SPAG16: variants seen among roughly 807,000 people sequenced by gnomAD.
SPAG16 encodes the protein sperm-associated antigen 16 protein.
A neutral mutation model predicts 80.4 loss-of-function variants in SPAG16; 86 were observed. The observed-to-expected ratio is 1.07, with a 90% CI of 0.90 to 1.28. SPAG16 has a LOEUF of 1.28. Among genes scored for constraint, SPAG16 ranks in the 50% most tolerant of loss-of-function variants. The pLI, the probability that SPAG16 is intolerant of heterozygous loss-of-function variation, is 0.00. For missense variants in SPAG16, 870 were observed against 765.3 expected (o/e 1.14, Z -1.61); for synonymous variants, 294 against 265.9 (o/e 1.11, Z -1.03).
chr2:214,281,056 G>T (rs1692892921), intron 15 of SPAG16: 1 of 387,850 alleles, frequency 2.6e-6, no homozygotes, highest in Non-Finnish European at 5.0e-6. Flanking sequence ...TTTATTGCCA[G>T]TAGTAGTTCT....
chr2:213,702,811 CAAG>C (rs2125331850), intron 10 of SPAG16, among the ~76,000 whole-genome samples: 1 of 152,108 alleles, frequency 6.6e-6, no homozygotes, highest in African/African-American at 2.4e-5. Flanking sequence ...TGATATATAT[CAAG>C]AAGATTTAAG....
chr2:213,809,759 A>G (rs957869153), intron 10 of SPAG16, among the ~76,000 whole-genome samples: 3 of 152,216 alleles, frequency 2.0e-5, no homozygotes, highest in Non-Finnish European at 4.4e-5. Flanking sequence ...AGGGGGAGAC[A>G]TGGTTTATCA....
At chr2:214,138,912 G>C (rs1576324653) in intron 14 of SPAG16, among the ~76,000 whole-genome samples, 1 of 152,078 alleles carries the variant, frequency 6.6e-6, no homozygotes, top group South Asian at 2.1e-4. Flanking sequence ...TAGGAAATGA[G>C]AGGCAGTTCT....
intron 10 of SPAG16, among the ~76,000 whole-genome samples, chr2:213,611,609 A>G (rs987154809): frequency 2.0e-4 from 31 of 152,300 alleles, no homozygotes; most frequent in African/African-American, 7.5e-4. Context: ...ACACCATTAA[A>G]TGCTCTATTT....
chr2:213,994,924 A>G (rs546665840), intron 12 of SPAG16, among the ~76,000 whole-genome samples: 62 of 152,202 alleles, frequency 4.1e-4, no homozygotes, highest in African/African-American at 1.3e-3. Flanking sequence ...ATCTTTTCTT[A>G]TGTGTTCTAA....
Position 214,330,175 on chromosome 2 carries a change from G to T in SPAG16, c.1721-79965G>T, listed in dbSNP as rs1338596993. Among the ~76,000 whole-genome samples, 3 of 151,622 alleles carry T rather than the reference G, an allele frequency of 2.0e-5. No homozygotes were observed. In the East Asian group the frequency reaches 5.8e-4, roughly 29 times the overall value. On this transcript the variant is annotated intron_variant, in intron 15 of 15. Transcript: ENST00000331683. ...GCCTGTAATTCCAGCTACTTTGGAG[G>T]CTGAGGCAGGAGAATAGCTTGAACC...
At chr2:213,929,649 A>G (rs940691559) in intron 11 of SPAG16, among the ~76,000 whole-genome samples, 1 of 152,224 alleles carries the variant, frequency 6.6e-6, no homozygotes, top group Non-Finnish European at 1.5e-5. Flanking sequence ...CCTAATATAT[A>G]CAACGCTGAA....
chr2:214,278,442 A>G (rs1369821356), intron 15 of SPAG16, among the ~76,000 whole-genome samples: 3 of 152,286 alleles, frequency 2.0e-5, no homozygotes, highest in Middle Eastern at 3.4e-3. Flanking sequence ...CTATGCAGCC[A>G]TCTTAGAACC....
chr2:213,911,380 A>G (rs971089730), intron 11 of SPAG16, among the ~76,000 whole-genome samples: 1 of 152,130 alleles, frequency 6.6e-6, no homozygotes, highest in Admixed American at 6.5e-5. Flanking sequence ...CCTGAGCTCA[A>G]GCAATCTCCC....
chr2:214,047,653 C>G (rs182781580), intron 13 of SPAG16, among the ~76,000 whole-genome samples: 2 of 152,158 alleles, frequency 1.3e-5, no homozygotes, highest in Admixed American at 6.5e-5. Context: ...TTGAGCAATA[C>G]CCTACAAGCA....
At position 213,539,161 on chromosome 2, in the gene SPAG16, C is replaced by T. The variant is rs1365473356; in HGVS notation, c.1070+49071C>T. Among the ~76,000 whole-genome samples the T allele has an allele frequency of 2.6e-5, 4 of 152,010 alleles. No homozygotes were observed. In the East Asian group the frequency reaches 7.7e-4, roughly 29 times the overall value. ...TTTATGGTGAAGAGGCAGAAATGCT[C>T]TTAAATATTATAAATTCCGTAGATT... On this transcript the variant is annotated intron_variant, in intron 10 of 15. Transcript: ENST00000331683.
At chr2:213,988,450 A>G (rs2046124162) in intron 12 of SPAG16, among the ~76,000 whole-genome samples, 1 of 152,110 alleles carries the variant, frequency 6.6e-6, no homozygotes, top group Non-Finnish European at 1.5e-5. Flanking sequence ...GATATCTGGA[A>G]AGTCTCCAGG....
intron 9 of SPAG16, among the ~76,000 whole-genome samples, chr2:213,482,665 T>C (rs1332298263): frequency 6.6e-6 from 1 of 152,136 alleles, no homozygotes; most frequent in Admixed American, 6.5e-5. Context: ...CAGTGGAACA[T>C]GCAATTTGAA....
chr2:214,240,415 A>C (rs1328715161), intron 15 of SPAG16: 1 of 152,188 alleles, frequency 6.6e-6, no homozygotes, highest in African/African-American at 2.4e-5. Flanking sequence ...TGTGTTCATC[A>C]GGCTTTATCA....
At position 213,317,826 on chromosome 2, in the gene SPAG16, A is replaced by G. The variant is rs1264028928; in HGVS notation, c.536+470A>G. 3 of 705,652 alleles carry G rather than the reference A, an allele frequency of 4.3e-6. No homozygotes were observed. The African/African-American group carries it at 5.8e-5, about 14-fold the overall frequency. The allele number at this position is 705,652 out of a possible 1,614,324, so 43.7% of individuals were successfully genotyped here. On this transcript the variant is annotated intron_variant, in intron 5 of 15. Transcript: ENST00000331683. ...TGATATGTAGGTTCGTCAGTTGTTA[A>G]CAAATGTATCCCTCTGTTGGGGGCT...
chr2:213,294,809 A>G (rs1480642246), intron 1 of SPAG16, among the ~76,000 whole-genome samples: 1 of 152,180 alleles, frequency 6.6e-6, no homozygotes, highest in African/African-American at 2.4e-5. Context: ...AGCACAGAAA[A>G]CCCACACAGA....
At position 213,932,362 on chromosome 2, in the gene SPAG16, C is replaced by T. The variant is rs1168036018; in HGVS notation, c.1400+2217C>T. Among the ~76,000 whole-genome samples, 10 of 151,374 alleles carry T rather than the reference C, an allele frequency of 6.6e-5. No individual in the cohort carries two copies. In the South Asian group the frequency reaches 1.0e-3, roughly 16 times the overall value. ...TCCCGAGTAGCTGGGACTATAGGCA[C>T]GTGCCACCACACCTGGCTAATTTTT... On this transcript the variant is annotated intron_variant, in intron 12 of 15. Coordinates refer to ENST00000331683, the MANE Select transcript of SPAG16 (RefSeq NM_024532.5).
intron 12 of SPAG16, among the ~76,000 whole-genome samples, chr2:213,951,311 A>G (rs1016615608): frequency 2.0e-5 from 3 of 152,202 alleles, no homozygotes; most frequent in African/African-American, 7.2e-5. Context: ...ATACAAAATA[A>G]ACATTCAAAT....
At chr2:214,243,716 T>C (rs1323947504) in intron 15 of SPAG16, among the ~76,000 whole-genome samples, 2 of 152,122 alleles carry the variant, frequency 1.3e-5, no homozygotes, top group African/African-American at 2.4e-5. Flanking sequence ...CAATTAGTGA[T>C]TACAGGCAAA....
Sources: allele counts gnomAD v4.1 joint callset (sites outside exome capture counted in the v4.1 genomes callset), GRCh38; gene constraint gnomAD v4.1.1; transcripts MANE v1.5; gene names NCBI Gene and HGNC (gene_info 2026-07-23, HGNC 2026-07-21).